The following GYPC variants were observed in gnomAD, a reference collection of about 807,000 sequenced individuals.
GYPC encodes glycophorin C (Gerbich blood group).
Under a neutral mutation model 12.6 loss-of-function variants are expected in GYPC, and 14 were observed. The ratio of observed to expected loss-of-function variants is 1.11; its 90% CI spans 0.74 to 1.74. The LOEUF is 1.74. Ranked by LOEUF, GYPC falls within the 40% of genes most tolerant of loss-of-function variation. GYPC has a pLI of 0.00. For synonymous variants in GYPC, 78 were observed against 62.1 expected, an observed-to-expected ratio of 1.26 and a Z score of -1.20; for missense variants, 225 against 172.1, an observed-to-expected ratio of 1.31 and a Z score of -1.72.
At chr2:126,666,622 T>A (rs1306020887) in intron 1 of GYPC, among the ~76,000 whole-genome samples, 1 of 151,902 alleles carries the variant, frequency 6.6e-6, no homozygotes, top group Non-Finnish European at 1.5e-5. Context: ...CATTCTTAAG[T>A]GGGAGGGGCT....
chr2:126,696,096 C>T lies in GYPC; in HGVS notation c.341C>T (p.Ala114Val). 6.2e-7 allele frequency: 1 copy of T among 1,614,114 alleles called. No homozygotes were observed. The highest frequency in any genetic ancestry group is 8.5e-7 in the Non-Finnish European group (1 of 1,179,950). The change falls in exon 4 of 4, where the codon GCC becomes GTC. Residue 114 changes from alanine (A) to valine (V), a missense_variant. Ala to Val is a moderately conservative substitution (Grantham distance 64, BLOSUM62 0). Coordinates refer to ENST00000259254, the MANE Select transcript of GYPC (RefSeq NM_002101.5). ...GATGCAGCCCTGCAGGGAGACCCTG[C>T]CCTCCAAGATGCTGGTGATAGCAGC... The part of the protein sequence containing the change: ...SADAALQGDP[A>V]LQDAGDSSRK...
chr2:126,688,362 T>C (rs553467408), intron 1 of GYPC, among the ~76,000 whole-genome samples: 1 of 152,316 alleles, frequency 6.6e-6, no homozygotes, highest in South Asian at 2.1e-4. Flanking sequence ...GTTAGAAAAG[T>C]CTAGAACTCC....
At position 126,671,288 on chromosome 2, in the gene GYPC, A is replaced by G. The variant is rs141671214; in HGVS notation, c.49+14976A>G. ...GGGGCTTTGCCTCTGCCCTGCAGAA[A>G]ATCCCCACCTCACTGGGCAGGTGCC... On this transcript the variant is annotated intron_variant, in intron 1 of 3. Transcript: ENST00000259254. 5.4e-3 allele frequency among the ~76,000 whole-genome samples: 821 copies of G among 152,288 alleles called. 7 individuals carry two copies. The highest frequency in any genetic ancestry group is 0.018 in the African/African-American group (762 of 41,564).
chr2:126,680,883 G>C (rs1007615368), intron 1 of GYPC, among the ~76,000 whole-genome samples: 2 of 152,212 alleles, frequency 1.3e-5, no homozygotes, highest in African/African-American at 2.4e-5. Context: ...TCCAACAACA[G>C]CCTGACGCCT....
chr2:126,695,849 G>T, intron 3 of GYPC, 97 bp from the exon 4 acceptor site: 2 of 895,918 alleles, frequency 2.2e-6, no homozygotes, highest in Non-Finnish European at 3.8e-6. Flanking sequence ...TTGTGGCATT[G>T]TATCTGTCCT....
chr2:126,685,540 A>G (rs911555094), intron 1 of GYPC, among the ~76,000 whole-genome samples: 16 of 152,140 alleles, frequency 1.1e-4, no homozygotes, highest in African/African-American at 3.6e-4. Flanking sequence ...ACCCGCCAGC[A>G]TGCCCAACTA....
intron 2 of GYPC, among the ~76,000 whole-genome samples, chr2:126,693,315 C>T (rs552227179): frequency 6.6e-6 from 1 of 152,276 alleles, no homozygotes; most frequent in African/African-American, 2.4e-5. Flanking sequence ...TGTCAGATCC[C>T]CTTCTGCTTT....
chr2:126,668,679 G>A lies in GYPC; in HGVS notation c.49+12367G>A, dbSNP rs142724156. 1.2e-3 allele frequency among the ~76,000 whole-genome samples: 188 copies of A among 152,338 alleles called. 5 individuals are homozygous for A. The East Asian group carries it at 0.029, about 23-fold the overall frequency. ...GAGACTGGATACAAAATTGGATTGC[G>A]AGAGCAATTCATCCGCAAGCAATTA... On this transcript the variant is annotated intron_variant, in intron 1 of 3. Coordinates refer to ENST00000259254, the MANE Select transcript of GYPC (RefSeq NM_002101.5).
At chr2:126,693,998 T>C (rs1279318429) in intron 3 of GYPC, 51 bp downstream of exon 3, 1 of 1,232,732 alleles carries the variant, frequency 8.1e-7, no homozygotes, top group Non-Finnish European at 1.2e-6. Context: ...GGGGCCTTGG[T>C]GAAAACATCC....
At chr2:126,669,703 C>G (rs1246696926) in intron 1 of GYPC, among the ~76,000 whole-genome samples, 2 of 152,178 alleles carry the variant, frequency 1.3e-5, no homozygotes, top group Non-Finnish European at 2.9e-5. Context: ...AGTCAAAATG[C>G]CTCTTTCAGG....
chr2:126,661,918 C>A (rs1157069605), intron 1 of GYPC, among the ~76,000 whole-genome samples: 1 of 152,232 alleles, frequency 6.6e-6, no homozygotes, highest in African/African-American at 2.4e-5. Context: ...TCTCCCTGCA[C>A]CCCTGGCACA....
chr2:126,674,298 G>A lies in GYPC; in HGVS notation c.50-15957G>A, dbSNP rs78128006. On this transcript the variant is annotated intron_variant, in intron 1 of 3. Coordinates refer to ENST00000259254, the MANE Select transcript of GYPC (RefSeq NM_002101.5). ...GTGTTGATAAAATGGGCTTGGGCCA[G>A]CCGCTCACCAGCTTCTCCCTCAGAC... Among the ~76,000 whole-genome samples the A allele has an allele frequency of 6.8e-4, 103 of 152,288 alleles. 1 individual carries two copies. The East Asian group carries it at 0.019, about 27-fold the overall frequency.
chr2:126,666,760 T>C (rs1387767280), intron 1 of GYPC, among the ~76,000 whole-genome samples: 2 of 107,506 alleles, frequency 1.9e-5, no homozygotes, highest in South Asian at 3.7e-4. Context: ...CACACACATA[T>C]GCACGCACAC....
At chr2:126,695,922 C>T (rs375129443) in intron 3 of GYPC, 24 bp from the exon 4 acceptor site, 1 of 1,607,364 alleles carries the variant, frequency 6.2e-7, no homozygotes, top group East Asian at 2.2e-5. Context: ...TCAGACTGAC[C>T]CTTGCACCTC....
intron 1 of GYPC, among the ~76,000 whole-genome samples, chr2:126,672,981 T>C (rs1213711171): frequency 1.3e-5 from 2 of 152,024 alleles, no homozygotes; most frequent in African/African-American, 4.8e-5. Flanking sequence ...CTCACCCATG[T>C]CAGAGGTACA....
Position 126,675,804 on chromosome 2 carries a change from T to A in GYPC, c.50-14451T>A, listed in dbSNP as rs1682980630. ...ACCGTAGTAGTGATGGTGGAAGAAG[T>A]AATAAGACAAGGAAAAGAAAAAGAG... On this transcript the variant is annotated intron_variant, in intron 1 of 3. Transcript: ENST00000259254. 4 of 354,040 alleles carry A rather than the reference T, an allele frequency of 1.1e-5. 1 individual carries two copies. Among genetic ancestry groups the A allele is most frequent in the South Asian group, 1.1e-4 (1 of 8,744 alleles). 21.9% of individuals were successfully genotyped at this position (354,040 alleles called of 1,614,324 possible).
intron 1 of GYPC, among the ~76,000 whole-genome samples, chr2:126,670,179 A>G (rs1430822200): frequency 6.6e-6 from 1 of 152,206 alleles, no homozygotes; most frequent in African/African-American, 2.4e-5. Flanking sequence ...GCTCCCACTC[A>G]GGGAGGCTTG....
intron 1 of GYPC, among the ~76,000 whole-genome samples, chr2:126,689,889 AC>A (rs1683403219): frequency 6.6e-6 from 1 of 152,230 alleles, no homozygotes; most frequent in Admixed American, 6.5e-5. Flanking sequence ...CAGACACTCC[AC>A]AAACATTCTT....
Position 126,656,164 on chromosome 2 carries a change from G to A in GYPC, c.-100G>A, listed in dbSNP as rs1360103782. On this transcript the variant is annotated 5_prime_UTR_variant, in exon 1 of 4. Transcript: ENST00000259254. ...TGTGACCCAGGTGCCGCTTCCTCTCGCCGCCGAGGGTCAGGAGCCCGGGAG... is the reference window on the plus strand; with the variant it reads ...TGTGACCCAGGTGCCGCTTCCTCTCACCGCCGAGGGTCAGGAGCCCGGGAG... The A allele has an allele frequency of 2.7e-6, 4 of 1,498,284 alleles. No individual in the cohort carries two copies. Among genetic ancestry groups the A allele is most frequent in the East Asian group, 2.6e-5 (1 of 38,232 alleles). 92.8% of individuals were successfully genotyped at this position (1,498,284 alleles called of 1,614,324 possible). A position where few individuals can be genotyped will look rare whatever the true frequency, so the allele number is the denominator to read the frequency against.
Sources: allele counts gnomAD v4.1 joint callset (sites outside exome capture counted in the v4.1 genomes callset), GRCh38; gene constraint gnomAD v4.1.1; transcripts MANE v1.5; gene names NCBI Gene and HGNC (gene_info 2026-07-23, HGNC 2026-07-21).